OLFM3: variants seen among roughly 807,000 people sequenced by gnomAD.
The protein encoded by OLFM3 is olfactomedin 3, also known as noelin-3.
Under a neutral mutation model 48.6 loss-of-function variants are expected in OLFM3, and 20 were observed. The observed-to-expected ratio is 0.41, with a 90% confidence interval of 0.29 to 0.60. The LOEUF (loss-of-function observed/expected upper bound fraction) is 0.60. OLFM3 is among the 20% of genes least tolerant of loss of function. The pLI, the probability that OLFM3 is intolerant of heterozygous loss-of-function variation, is 0.28. For synonymous variants in OLFM3, 222 were observed against 198.1 expected, an observed-to-expected ratio of 1.12 and a Z score of -1.01; for missense variants, 437 against 544.3, an observed-to-expected ratio of 0.80 and a Z score of 1.96.
At chr1:101,837,336 C>G (rs1655476655) in intron 1 of OLFM3, among the ~76,000 whole-genome samples, 1 of 152,132 alleles carries the variant, frequency 6.6e-6, no homozygotes. Context: ...TTAGAAGCAT[C>G]TAGTAACTAC....
At chr1:101,961,369 A>C (rs1326642138) in intron 1 of OLFM3, among the ~76,000 whole-genome samples, 1 of 152,082 alleles carries the variant, frequency 6.6e-6, no homozygotes, top group Admixed American at 6.6e-5. Flanking sequence ...TACTGTATTT[A>C]GTAATCTATC....
At chr1:101,950,057 C>T (rs1252705543) in intron 1 of OLFM3, among the ~76,000 whole-genome samples, 3 of 150,110 alleles carry the variant, frequency 2.0e-5, no homozygotes, top group Non-Finnish European at 4.4e-5. Flanking sequence ...AAGAAAAAGC[C>T]TCTGATGGCT....
At chr1:101,838,952 G>T (rs1163772522) in intron 1 of OLFM3, among the ~76,000 whole-genome samples, 4 of 152,100 alleles carry the variant, frequency 2.6e-5, no homozygotes, top group Non-Finnish European at 4.4e-5. Flanking sequence ...CACCACAAAG[G>T]TCTTTTTCTT....
At chr1:101,904,832 C>T (rs1658501880) in intron 1 of OLFM3, among the ~76,000 whole-genome samples, 1 of 152,098 alleles carries the variant, frequency 6.6e-6, no homozygotes, top group African/African-American at 2.4e-5. Context: ...TCTCCTCCCA[C>T]CTGTTTACCT....
rs535332315 is a variant in OLFM3, at chr1:101,910,241, C to T, written c.70-73216G>A. On this transcript the variant is annotated intron_variant, in intron 1 of 5. Coordinates refer to ENST00000370103, the MANE Select transcript of OLFM3 (RefSeq NM_058170.4). ...CAGCACTTTGGGAGGCCGAGGCGGG[C>T]GGATCACAAGGTCAGGAGATCGAGA... The T allele has an allele frequency of 1.1e-4, 50 of 452,976 alleles. No homozygotes were observed. In the South Asian group the frequency reaches 4.1e-3, roughly 37 times the overall value. 28.1% of individuals were successfully genotyped at this position (452,976 alleles called of 1,614,324 possible).
chr1:101,851,042 T>A (rs116186978), intron 1 of OLFM3, among the ~76,000 whole-genome samples: 3,021 of 152,098 alleles, frequency 0.02, 49 homozygotes, highest in Non-Finnish European at 0.033. Flanking sequence ...TGTTAGCAAG[T>A]TAAGTAGGAA....
chr1:101,991,016 A>AAAAAATAT (rs1553186119), intron 1 of OLFM3, among the ~76,000 whole-genome samples: 36 of 32,196 alleles, frequency 1.1e-3, no homozygotes, highest in South Asian at 2.9e-3. Context: ...AAAAAAAAAA[A>AAAAAATAT]ATATATATAT....
At position 101,856,482 on chromosome 1, in the gene OLFM3, T is replaced by A. The variant is rs181877545; in HGVS notation, c.70-19457A>T. ...AAACAACTCCCTTTGCAAATACTCA[T>A]CTGAAAAGAGACCAGTGACTTACGT... On this transcript the variant is annotated intron_variant, in intron 1 of 5. Transcript: ENST00000370103. 3.9e-5 allele frequency among the ~76,000 whole-genome samples: 6 copies of A among 152,050 alleles called. No individual in the cohort carries two copies. The East Asian group carries it at 1.2e-3, about 29-fold the overall frequency.
chr1:101,964,194 A>C (rs1367021625), intron 1 of OLFM3, among the ~76,000 whole-genome samples: 1 of 152,136 alleles, frequency 6.6e-6, no homozygotes, highest in African/African-American at 2.4e-5. Context: ...TGTGGAAGAA[A>C]GTTTAAGGGA....
intron 1 of OLFM3, among the ~76,000 whole-genome samples, chr1:101,872,865 T>C (rs1657138302): frequency 6.6e-6 from 1 of 151,640 alleles, no homozygotes; most frequent in Admixed American, 6.6e-5. Context: ...ACTCTATATC[T>C]TAATGGGTAC....
At chr1:101,936,649 T>C (rs1019204757) in intron 1 of OLFM3, among the ~76,000 whole-genome samples, 2 of 152,096 alleles carry the variant, frequency 1.3e-5, no homozygotes, top group African/African-American at 4.8e-5. Flanking sequence ...TGAATACCCA[T>C]GGCAATCTTA....
At chr1:101,820,505 T>G (rs1256410101) in intron 4 of OLFM3, among the ~76,000 whole-genome samples, 1 of 152,094 alleles carries the variant, frequency 6.6e-6, no homozygotes, top group African/African-American at 2.4e-5. Flanking sequence ...CTTTATCCTA[T>G]TCCATCTTTC....
intron 1 of OLFM3, among the ~76,000 whole-genome samples, chr1:101,940,362 C>G (rs11589337): frequency 2.3e-4 from 31 of 133,052 alleles, no homozygotes; most frequent in Non-Finnish European, 4.8e-4. Context: ...TTTTTTGGCT[C>G]TGCATTCAGG....
At chr1:101,888,326 A>C (rs1356119024) in intron 1 of OLFM3, among the ~76,000 whole-genome samples, 1 of 152,156 alleles carries the variant, frequency 6.6e-6, no homozygotes, top group African/African-American at 2.4e-5. Flanking sequence ...AACAGAACAG[A>C]GCCCTCAGAA....
At chr1:101,987,596 G>C (rs953865759) in intron 1 of OLFM3, among the ~76,000 whole-genome samples, 1 of 152,078 alleles carries the variant, frequency 6.6e-6, no homozygotes, top group African/African-American at 2.4e-5. Context: ...ACTCCCAGAA[G>C]AGATGGCATC....
At chr1:101,856,258 CTG>C (rs1357204859) in intron 1 of OLFM3, among the ~76,000 whole-genome samples, 1 of 151,944 alleles carries the variant, frequency 6.6e-6, no homozygotes, top group Non-Finnish European at 1.5e-5. Flanking sequence ...CTATTTATCA[CTG>C]AAAGCATCCT....
At chr1:101,907,860 A>C (rs995476181) in intron 1 of OLFM3, among the ~76,000 whole-genome samples, 2 of 150,628 alleles carry the variant, frequency 1.3e-5, no homozygotes, top group Non-Finnish European at 2.9e-5. Context: ...ACTTGGAAGT[A>C]ATAGTAAAAA....
chr1:101,918,279 T>A (rs1658986138), intron 1 of OLFM3, among the ~76,000 whole-genome samples: 1 of 152,192 alleles, frequency 6.6e-6, no homozygotes, highest in African/African-American at 2.4e-5. Flanking sequence ...CTATCGCTCC[T>A]GTAACAAATT....
At chr1:101,988,645 T>C (rs1326345437) in intron 1 of OLFM3, among the ~76,000 whole-genome samples, 2 of 152,094 alleles carry the variant, frequency 1.3e-5, no homozygotes, top group African/African-American at 4.8e-5. Flanking sequence ...GTATTCTTCA[T>C]ATATTCATTT....
Sources: allele counts gnomAD v4.1 joint callset (sites outside exome capture counted in the v4.1 genomes callset), GRCh38; gene constraint gnomAD v4.1.1; transcripts MANE v1.5; gene names NCBI Gene and HGNC (gene_info 2026-07-23, HGNC 2026-07-21).